Variants in ANXA9 observed in about 807,000 individuals in gnomAD.
The protein encoded by ANXA9 is annexin 31.
In ANXA9, 47 loss-of-function variants were observed where a neutral mutation model predicts 51.8. The observed-to-expected ratio is 0.91, with a 90% CI of 0.72 to 1.16. The LOEUF is 1.16. ANXA9 is among the 50% of genes most tolerant of loss of function. ANXA9 has a pLI of 0.00. For missense variants in ANXA9, 361 were observed against 424.7 expected, an observed-to-expected ratio of 0.85 and a Z score of 1.32; for synonymous variants, 154 against 168.7, an observed-to-expected ratio of 0.91 and a Z score of 0.68.
intron 12 of ANXA9, among the ~76,000 whole-genome samples, chr1:150,990,795 G>A (rs904599715): frequency 1.3e-5 from 2 of 152,128 alleles, no homozygotes; most frequent in Non-Finnish European, 2.9e-5. Context: ...GCGGTCAGCC[G>A]AGGTGACGCC....
intron 4 of ANXA9, among the ~76,000 whole-genome samples, 196 bp from the exon 5 acceptor site, chr1:150,983,779 T>G (rs1311377031): frequency 6.6e-6 from 1 of 152,210 alleles, no homozygotes; most frequent in Non-Finnish European, 1.5e-5. Flanking sequence ...ACCTTTGCCT[T>G]GGTCTGGGTC....
chr1:150,994,565 T>G lies in ANXA9; in HGVS notation c.853-12T>G, dbSNP rs774327226. Reference sequence around the variant, plus strand: ...TCACTAACTACCCCCCATCTCTTTCTTCCCCTACTAGGAAACTGAGCCCAA... The same window carrying G: ...TCACTAACTACCCCCCATCTCTTTCGTCCCCTACTAGGAAACTGAGCCCAA... On this transcript the variant is annotated splice_polypyrimidine_tract_variant and intron_variant, in intron 12 of 13. Transcript: ENST00000368947. 6.2e-7 allele frequency: 1 copy of G among 1,613,464 alleles called. No homozygotes were observed.
chr1:150,991,166 A>G (rs1190533771), intron 12 of ANXA9, among the ~76,000 whole-genome samples: 2 of 151,188 alleles, frequency 1.3e-5, no homozygotes, highest in Non-Finnish European at 2.9e-5. Flanking sequence ...ATAATAATAA[A>G]TAAATAAACA....
upstream of ANXA9, among the ~76,000 whole-genome samples, chr1:150,980,003 TC>T (rs1284789768): frequency 6.6e-6 from 1 of 152,208 alleles, no homozygotes; most frequent in Non-Finnish European, 1.5e-5. Flanking sequence ...GAAGTCTGGC[TC>T]CAGAAGCTTT....
At chr1:150,986,549 A>C in intron 8 of ANXA9, 53 bp from the exon 9 acceptor site, 8 of 1,598,712 alleles carry the variant, frequency 5.0e-6, no homozygotes, top group Non-Finnish European at 6.9e-6. Flanking sequence ...TGTTGGTCTG[A>C]AGATAAAAAG....
chr1:150,989,169 C>T (rs796123080), intron 12 of ANXA9, among the ~76,000 whole-genome samples: 4 of 151,698 alleles, frequency 2.6e-5, no homozygotes, highest in Admixed American at 6.6e-5. Flanking sequence ...TTAGCAGATG[C>T]GGTTTCACCA....
intron 9 of ANXA9, among the ~76,000 whole-genome samples, chr1:150,987,629 G>A (rs1671597580): frequency 6.6e-6 from 1 of 151,290 alleles, no homozygotes. Flanking sequence ...TCAGGAGGCT[G>A]AGCCTGGAGA....
chr1:150,993,267 A>G (rs1210140517), intron 12 of ANXA9, among the ~76,000 whole-genome samples: 2 of 151,774 alleles, frequency 1.3e-5, no homozygotes, highest in East Asian at 3.8e-4. Flanking sequence ...TAGTATAATC[A>G]ATTATAATTC....
In ANXA9 at chr1:150,983,345, C is replaced by T. The variant is rs112833633; in HGVS notation, c.83C>T (p.Ala28Val). ...TACCCTGTGCTCCCACAGACTGCAG[C>T]GTGGGGGACCCTGGGCACCCTCAGG... ...SHLGLASKTA[A>V]WGTLGTLRTF... Residue 28 changes from alanine (A) to valine (V), a missense_variant, in exon 4 of 14, where the codon GCG becomes GTG. Transcript: ENST00000368947. 37 of 1,613,832 alleles carry T rather than the reference C, an allele frequency of 2.3e-5. No homozygotes were observed. The highest frequency in any genetic ancestry group is 1.5e-4 in the African/African-American group (11 of 74,934).
chr1:150,990,044 C>T (rs990525550), intron 12 of ANXA9, among the ~76,000 whole-genome samples: 2 of 152,034 alleles, frequency 1.3e-5, no homozygotes, highest in African/African-American at 4.8e-5. Flanking sequence ...CATGGTGGCT[C>T]ACACCTGTAA....
intron 2 of ANXA9, 100 bp from the exon 3 acceptor site, chr1:150,982,990 C>A (rs1166406179): frequency 1.0e-5 from 8 of 786,752 alleles, no homozygotes; most frequent in African/African-American, 5.2e-5. Flanking sequence ...AGGAAAGGAA[C>A]AGGTGACTGG....
intron 12 of ANXA9, among the ~76,000 whole-genome samples, chr1:150,991,915 C>T (rs762741619): frequency 1.6e-4 from 25 of 152,082 alleles, no homozygotes; most frequent in African/African-American, 4.1e-4. Context: ...TACAGGCGCC[C>T]GCCACCACGC....
At chr1:150,993,196 A>T (rs937132622) in intron 12 of ANXA9, among the ~76,000 whole-genome samples, 3 of 152,164 alleles carry the variant, frequency 2.0e-5, no homozygotes, top group Non-Finnish European at 2.9e-5. Context: ...GAAAAAAAAA[A>T]ACACAGGAAT....
rs149877773 is a variant in ANXA9, at chr1:150,986,317, G to C, written c.473-19G>C. On this transcript the variant is annotated intron_variant, in intron 7 of 13. Coordinates refer to ENST00000368947, the MANE Select transcript of ANXA9 (RefSeq NM_003568.3). The stretch of plus-strand genomic sequence containing the variant: ...AGGAAAACTCAGGAGGATTCAGAGA[G>C]CTCCTCACCCCACCCCAGATTTCCA... 1 of 1,611,060 alleles carries C rather than the reference G, an allele frequency of 6.2e-7. No individual in the cohort carries two copies. The highest frequency in any genetic ancestry group is 2.2e-5 in the East Asian group (1 of 44,864).
chr1:150,992,555 C>A (rs1481989922), intron 12 of ANXA9, among the ~76,000 whole-genome samples: 1 of 151,602 alleles, frequency 6.6e-6, no homozygotes, highest in African/African-American at 2.4e-5. Flanking sequence ...TCTAAACAAA[C>A]AAACCATATA....
intron 12 of ANXA9, among the ~76,000 whole-genome samples, chr1:150,991,361 C>A (rs141797501): frequency 6.7e-6 from 1 of 149,326 alleles, no homozygotes; most frequent in South Asian, 2.1e-4. Flanking sequence ...CTCAGCCTCC[C>A]GAGTAGCTGG....
intron 10 of ANXA9, 21 bp from the exon 11 acceptor site, chr1:150,988,070 A>C: frequency 1.2e-6 from 2 of 1,613,910 alleles, no homozygotes; most frequent in African/African-American, 1.3e-5. Context: ...CATCTTTCTA[A>C]CTGCCTCCTA....
In ANXA9 at chr1:150,991,044, A is replaced by G. The variant is rs587640850; in HGVS notation, c.852+2703A>G. 1.5e-4 allele frequency among the ~76,000 whole-genome samples: 22 copies of G among 150,858 alleles called. No homozygotes were observed. The East Asian group carries it at 1.6e-3, about 11-fold the overall frequency. ...TGTAGTCCCAGCTACGCTGGAGGCT[A>G]AGGCAGGAGAATGGCTTGAACCCAG... On this transcript the variant is annotated intron_variant, in intron 12 of 13. Coordinates refer to ENST00000368947, the MANE Select transcript of ANXA9 (RefSeq NM_003568.3).
chr1:150,992,036 G>A (rs1286445765), intron 12 of ANXA9, among the ~76,000 whole-genome samples: 2 of 152,074 alleles, frequency 1.3e-5, no homozygotes, highest in African/African-American at 4.8e-5. Flanking sequence ...CAAAGTGCTG[G>A]GATTACAGGC....
Sources: gnomAD v4.1 joint callset for allele counts (sites outside exome capture counted in the v4.1 genomes callset) on GRCh38, gnomAD v4.1.1 for gene constraint, MANE v1.5 for transcripts, NCBI Gene and HGNC (gene_info 2026-07-23, HGNC 2026-07-21) for gene names.